Variants in DOCK9 observed in about 807,000 individuals in gnomAD.
The protein encoded by DOCK9 is dedicator of cytokinesis 9, also known as dedicator of cytokinesis protein 9.
In DOCK9, 89 loss-of-function variants were observed where a neutral mutation model predicts 263.3. The observed-to-expected ratio is 0.34, with a 90% CI of 0.28 to 0.40. The LOEUF is 0.40. Ranked by LOEUF, DOCK9 falls within the 10% of genes least tolerant of loss-of-function variation. DOCK9 has a pLI of 1.00. For missense variants in DOCK9, 2,140 were observed against 2,603.4 expected, an observed-to-expected ratio of 0.82 and a Z score of 3.87; for synonymous variants, 976 against 973.1, an observed-to-expected ratio of 1.00 and a Z score of -0.06.
intron 1 of DOCK9, among the ~76,000 whole-genome samples, chr13:99,059,692 A>G (rs991765718): frequency 6.6e-6 from 1 of 152,204 alleles, no homozygotes; most frequent in African/African-American, 2.4e-5. Flanking sequence ...CACATACCAC[A>G]AAACTCATCC....
intron 1 of DOCK9, among the ~76,000 whole-genome samples, chr13:98,977,067 A>C (rs1332921787): frequency 1.3e-5 from 2 of 152,252 alleles, no homozygotes; most frequent in African/African-American, 2.4e-5. Flanking sequence ...TGCTTAAAAA[A>C]TTATGTGCCT....
At chr13:98,893,584 G>C (rs1423398730) in intron 15 of DOCK9, among the ~76,000 whole-genome samples, 1 of 152,176 alleles carries the variant, frequency 6.6e-6, no homozygotes, top group East Asian at 1.9e-4. Context: ...ATGAGCTTTG[G>C]CAGCTGTTTT....
At chr13:98,871,295 C>T (rs1290161476) in intron 27 of DOCK9, among the ~76,000 whole-genome samples, 10 of 152,254 alleles carry the variant, frequency 6.6e-5, no homozygotes, top group Non-Finnish European at 8.8e-5. Context: ...AGGCTAATCC[C>T]TCTACTTCTG....
intron 1 of DOCK9, among the ~76,000 whole-genome samples, chr13:98,983,537 A>G (rs536886474): frequency 2.0e-5 from 3 of 152,250 alleles, no homozygotes; most frequent in Admixed American, 2.0e-4. Context: ...CTCGACCACA[A>G]CCCTTAGGGC....
chr13:98,994,887 C>A (rs1324587949), intron 1 of DOCK9, among the ~76,000 whole-genome samples: 1 of 152,040 alleles, frequency 6.6e-6, no homozygotes, highest in African/African-American at 2.4e-5. Context: ...TTAAAATATT[C>A]TAGAAGCTCA....
intron 39 of DOCK9, among the ~76,000 whole-genome samples, chr13:98,835,616 A>G (rs2092961821): frequency 6.6e-6 from 1 of 152,188 alleles, no homozygotes; most frequent in African/African-American, 2.4e-5. Flanking sequence ...AACACAGGTA[A>G]CAGTGCTACT....
intron 4 of DOCK9, among the ~76,000 whole-genome samples, chr13:98,923,672 A>T (rs1389858477): frequency 2.6e-5 from 4 of 152,212 alleles, no homozygotes; most frequent in African/African-American, 7.2e-5. Flanking sequence ...TGGTAGAATA[A>T]CTTTTAATAC....
At chr13:98,823,667 T>C (rs1049344061) in intron 45 of DOCK9, among the ~76,000 whole-genome samples, 4 of 152,130 alleles carry the variant, frequency 2.6e-5, no homozygotes, top group Admixed American at 2.6e-4. Flanking sequence ...TTCAGGCAGA[T>C]AGGCATGGAA....
At chr13:98,962,637 TAAAAAAA>T (rs879444282) in intron 1 of DOCK9, among the ~76,000 whole-genome samples, 1 of 127,270 alleles carries the variant, frequency 7.9e-6, no homozygotes. Context: ...TGATAGGTTT[TAAAAAAA>T]AAAAAAAGAA....
intron 46 of DOCK9, 76 bp from the exon 47 acceptor site, chr13:98,809,541 T>G (rs544312756): frequency 1.6e-6 from 2 of 1,264,584 alleles, no homozygotes; most frequent in Non-Finnish European, 1.1e-6. Flanking sequence ...AATGTGATAA[T>G]GGAGGTGAAA....
chr13:99,001,290 G>A (rs894841639), intron 1 of DOCK9, among the ~76,000 whole-genome samples: 2 of 152,158 alleles, frequency 1.3e-5, no homozygotes, highest in African/African-American at 4.8e-5. Context: ...CTCAGTGAGG[G>A]ACTTTAGGTA....
rs117451756 is a variant in DOCK9, at chr13:99,043,306, T to C, written c.129+42917A>G. On this transcript the variant is annotated intron_variant, in intron 1 of 32. Transcript: ENST00000427887. Reference sequence around the variant, plus strand: ...CTATTCCTTGCCTCAGAAATCAAACTTCTCTTCCAGCTGGCCCTGAAGACA... The same window carrying C: ...CTATTCCTTGCCTCAGAAATCAAACCTCTCTTCCAGCTGGCCCTGAAGACA... Among the ~76,000 whole-genome samples, 162 of 152,308 alleles carry C rather than the reference T, an allele frequency of 1.1e-3. No individual in the cohort carries two copies. The East Asian group carries it at 0.02, about 19-fold the overall frequency.
chr13:98,999,316 A>ACACACACACACACACTCT lies in DOCK9; in HGVS notation c.130-43766_130-43765insAGAGTGTGTGTGTGTGTG. Among the ~76,000 whole-genome samples, 256 of 138,354 alleles carry ACACACACACACACACTCT rather than the reference A, an allele frequency of 1.9e-3. 1 individual carries two copies. Among genetic ancestry groups the ACACACACACACACACTCT allele is most frequent in the African/African-American group, 4.1e-3 (147 of 35,538 alleles). The allele number at this position is 138,354 out of a possible 152,430, so 90.8% of individuals were successfully genotyped here. On this transcript the variant is annotated intron_variant, in intron 1 of 32. Transcript: ENST00000427887. ...CACACACACACACACACACACACAC[A>ACACACACACACACACTCT]CTCTCTCTCTCTCTCTCTCTGGAAG...
At chr13:99,068,047 A>AC (rs1461704028) in intron 1 of DOCK9, among the ~76,000 whole-genome samples, 1 of 151,468 alleles carries the variant, frequency 6.6e-6, no homozygotes, top group African/African-American at 2.4e-5. Context: ...ATAATCTTCA[A>AC]CCCCCCACCT....
chr13:98,959,750 G>A (rs1413061615), intron 1 of DOCK9, among the ~76,000 whole-genome samples: 1 of 152,218 alleles, frequency 6.6e-6, no homozygotes, highest in Non-Finnish European at 1.5e-5. Context: ...CCACCCTGGG[G>A]AGGAAACTGA....
At chr13:98,974,607 G>A (rs1180987239) in intron 1 of DOCK9, among the ~76,000 whole-genome samples, 2 of 151,342 alleles carry the variant, frequency 1.3e-5, no homozygotes, top group Non-Finnish European at 2.9e-5. Context: ...AAAATTAGTC[G>A]GGCATGGTGG....
intron 1 of DOCK9, among the ~76,000 whole-genome samples, chr13:99,022,541 G>C: frequency 6.6e-6 from 1 of 152,182 alleles, no homozygotes; most frequent in East Asian, 1.9e-4. Flanking sequence ...TAGCTCCAAG[G>C]AGCAAGCGTC....
intron 1 of DOCK9, among the ~76,000 whole-genome samples, chr13:99,022,349 G>A (rs1025593050): frequency 7.9e-5 from 12 of 152,144 alleles, no homozygotes; most frequent in African/African-American, 2.9e-4. Flanking sequence ...GTAAAATATT[G>A]GAGTCAGGTC....
At chr13:98,888,835 C>A (rs2046198544) in intron 15 of DOCK9, 124 bp from the exon 16 acceptor site, 4 of 785,890 alleles carry the variant, frequency 5.1e-6, no homozygotes, top group African/African-American at 3.5e-5. Context: ...ATTCTAGTAG[C>A]CTCATGAAAA....
Sources: allele counts gnomAD v4.1 joint callset (sites outside exome capture counted in the v4.1 genomes callset), GRCh38; gene constraint gnomAD v4.1.1; transcripts MANE v1.5; gene names NCBI Gene and HGNC (gene_info 2026-07-23, HGNC 2026-07-21).